The following WDR49 variants were observed in gnomAD, a reference collection of about 807,000 sequenced individuals.
WDR49 encodes cilia- and flagella-associated protein 337.
Under a neutral mutation model 119.5 loss-of-function variants are expected in WDR49, and 107 were observed. The observed-to-expected ratio is 0.90, with a 90% confidence interval of 0.77 to 1.05. The LOEUF is 1.05. WDR49 is among the 50% of genes least tolerant of loss of function. The pLI is 0.00. For missense variants in WDR49, 1,240 were observed against 1,220.5 expected (o/e 1.02, Z -0.24); for synonymous variants, 425 against 418.8 (o/e 1.01, Z -0.18).
At chr3:167,560,345 G>A (rs991344894) in intron 8 of WDR49, 117 bp from the exon 9 acceptor site, 1 of 1,053,178 alleles carries the variant, frequency 9.5e-7, no homozygotes, top group Non-Finnish European at 1.3e-6. Flanking sequence ...AACAGTCAGA[G>A]ACATTTTTGT....
intron 16 of WDR49, among the ~76,000 whole-genome samples, chr3:167,519,766 A>G (rs1752361282): frequency 6.6e-6 from 1 of 152,146 alleles, no homozygotes; most frequent in African/African-American, 2.4e-5. Context: ...AAAGCTGTAC[A>G]TCCTACACAT....
At chr3:167,504,196 G>A (rs1405936035) in intron 17 of WDR49, among the ~76,000 whole-genome samples, 1 of 152,164 alleles carries the variant, frequency 6.6e-6, no homozygotes, top group African/African-American at 2.4e-5. Context: ...CTCCATACTT[G>A]AGAATGGTAG....
At chr3:167,635,476 C>G (rs1717570731) in intron 2 of WDR49, among the ~76,000 whole-genome samples, 1 of 151,618 alleles carries the variant, frequency 6.6e-6, no homozygotes, top group South Asian at 2.1e-4. Context: ...AATCTGCCAA[C>G]CCTTAGAAAT....
intron 8 of WDR49, among the ~76,000 whole-genome samples, chr3:167,562,360 T>C (rs1458242055): frequency 6.6e-6 from 1 of 152,150 alleles, no homozygotes; most frequent in Non-Finnish European, 1.5e-5. Flanking sequence ...GGGGAGCAAC[T>C]GAAAGACAGG....
intron 2 of WDR49, among the ~76,000 whole-genome samples, chr3:167,646,457 A>G (rs1465214901): frequency 3.3e-5 from 5 of 152,100 alleles, no homozygotes; most frequent in Non-Finnish European, 7.4e-5. Context: ...ATATGTCCAG[A>G]AGTGAGGAAG....
chr3:167,654,386 A>G (rs6764831), upstream of WDR49, among the ~76,000 whole-genome samples: 1,949 of 152,358 alleles, frequency 0.013, 36 homozygotes, highest in African/African-American at 0.045. Flanking sequence ...AAAAAAACAC[A>G]GCATAACATA....
chr3:167,645,128 C>G (rs1327254161), intron 2 of WDR49, among the ~76,000 whole-genome samples: 1 of 151,792 alleles, frequency 6.6e-6, no homozygotes, highest in Non-Finnish European at 1.5e-5. Flanking sequence ...ATGGACCATG[C>G]TAAGGGGGAA....
chr3:167,566,959 A>G (rs1293244190), intron 8 of WDR49: 4 of 606,706 alleles, frequency 6.6e-6, no homozygotes, highest in South Asian at 4.1e-5. Flanking sequence ...AAAGAGGTGG[A>G]GGAGGTGGAA....
At chr3:167,643,955 A>T (rs1198245935) in intron 2 of WDR49, among the ~76,000 whole-genome samples, 1 of 151,942 alleles carries the variant, frequency 6.6e-6, no homozygotes, top group Non-Finnish European at 1.5e-5. Flanking sequence ...TAAATTGTTC[A>T]CTAGAGAAAA....
chr3:167,622,997 G>A (rs1028283391), intron 3 of WDR49, among the ~76,000 whole-genome samples: 6 of 151,886 alleles, frequency 4.0e-5, no homozygotes, highest in African/African-American at 1.5e-4. Flanking sequence ...GAAACAGACA[G>A]AAAATATCAA....
intron 10 of WDR49, among the ~76,000 whole-genome samples, chr3:167,550,302 A>C (rs943788707): frequency 6.6e-6 from 1 of 152,000 alleles, no homozygotes; most frequent in Admixed American, 6.6e-5. Context: ...CCATTTTCAC[A>C]ATATTGATTC....
At chr3:167,556,355 T>A (rs1400591204) in intron 9 of WDR49, among the ~76,000 whole-genome samples, 14 of 152,192 alleles carry the variant, frequency 9.2e-5, no homozygotes, top group Non-Finnish European at 8.8e-5. Context: ...ACAGTCATCA[T>A]TTACTAGATT....
At chr3:167,606,467 C>G (rs1716070553) in intron 5 of WDR49, among the ~76,000 whole-genome samples, 1 of 152,154 alleles carries the variant, frequency 6.6e-6, no homozygotes, top group Non-Finnish European at 1.5e-5. Flanking sequence ...TGATGTACAT[C>G]CTTTGTGTTA....
intron 18 of WDR49, among the ~76,000 whole-genome samples, chr3:167,488,965 T>C (rs1751025379): frequency 6.6e-6 from 1 of 152,144 alleles, no homozygotes; most frequent in South Asian, 2.1e-4. Context: ...TTGTAGAACT[T>C]TCTACCTTAG....
In WDR49 at chr3:167,646,654, C is replaced by T. The variant is rs1477535160; in HGVS notation, c.165+6607G>A. Among the ~76,000 whole-genome samples, 7 of 152,136 alleles carry T rather than the reference C, an allele frequency of 4.6e-5. No homozygotes were observed. The East Asian group carries it at 1.2e-3, about 25-fold the overall frequency. On this transcript the variant is annotated intron_variant, in intron 2 of 18. Transcript: ENST00000682715. ...TGAAATTCTTACTTTATTTAAATAA[C>T]CAAATGTAGCACATATTGAAGAGTA...
upstream of WDR49, among the ~76,000 whole-genome samples, chr3:167,655,393 T>A (rs1718567415): frequency 6.6e-6 from 1 of 152,172 alleles, no homozygotes; most frequent in African/African-American, 2.4e-5. Context: ...TATTTTCACT[T>A]CTGTAAACTA....
chr3:167,482,405 C>CA (rs924959197), intron 18 of WDR49, among the ~76,000 whole-genome samples: 5 of 151,878 alleles, frequency 3.3e-5, no homozygotes, highest in Admixed American at 2.0e-4. Context: ...AGTGGTGACT[C>CA]ACGCCTGTAA....
At chr3:167,566,886 T>A in intron 8 of WDR49, 1 of 682,918 alleles carries the variant, frequency 1.5e-6, no homozygotes, top group East Asian at 2.7e-5. Flanking sequence ...CGTCTTCACA[T>A]TGAGAAGGCT....
chr3:167,557,805 A>ATG (rs1216591539), intron 9 of WDR49, among the ~76,000 whole-genome samples: 2 of 152,070 alleles, frequency 1.3e-5, no homozygotes, highest in African/African-American at 4.8e-5. Context: ...ATATACATAT[A>ATG]TGTGTGTGTG....
Sources: gnomAD v4.1 joint callset for allele counts (sites outside exome capture counted in the v4.1 genomes callset) on GRCh38, gnomAD v4.1.1 for gene constraint, MANE v1.5 for transcripts, NCBI Gene and HGNC (gene_info 2026-07-23, HGNC 2026-07-21) for gene names.